The following KCNIP1 variants were observed in gnomAD, a reference collection of about 807,000 sequenced individuals.
KCNIP1 encodes potassium voltage-gated channel interacting protein 1.
In KCNIP1, 18 loss-of-function variants were observed where a neutral mutation model predicts 33.0. The ratio of observed to expected loss-of-function variants is 0.55; its 90% CI spans 0.38 to 0.81. The LOEUF (loss-of-function observed/expected upper bound fraction) is 0.81, where lower values mean the gene tolerates loss of function less well. Among genes scored for constraint, KCNIP1 ranks in the 30% least tolerant of loss-of-function variants. The probability of loss-of-function intolerance (pLI) is 0.00; values close to 1 mark genes in which losing one functional copy is unlikely to be tolerated. For missense variants in KCNIP1, 238 were observed against 271.6 expected (o/e 0.88, Z 0.87); for synonymous variants, 93 against 98.3 (o/e 0.95, Z 0.32).
At chr5:170,647,361 C>A (rs1198471655) in intron 1 of KCNIP1, among the ~76,000 whole-genome samples, 1 of 152,010 alleles carries the variant, frequency 6.6e-6, no homozygotes, top group Non-Finnish European at 1.5e-5. Flanking sequence ...ATTGACACAA[C>A]CTGATTCAAG....
intron 1 of KCNIP1, among the ~76,000 whole-genome samples, chr5:170,528,092 A>G (rs988199047): frequency 6.6e-6 from 1 of 152,172 alleles, no homozygotes; most frequent in African/African-American, 2.4e-5. Flanking sequence ...GATTGACTGC[A>G]GTAGGAGCTC....
At chr5:170,508,194 G>A (rs1049480614) in intron 1 of KCNIP1, among the ~76,000 whole-genome samples, 25 of 152,186 alleles carry the variant, frequency 1.6e-4, no homozygotes, top group African/African-American at 5.3e-4. Context: ...CTCCATGACC[G>A]AGTGCAAGCA....
At chr5:170,645,872 G>A (rs1452362524) in intron 1 of KCNIP1, among the ~76,000 whole-genome samples, 2 of 151,190 alleles carry the variant, frequency 1.3e-5, no homozygotes, top group Non-Finnish European at 2.9e-5. Context: ...AAATAACATA[G>A]GTCAAAAAAG....
At chr5:170,499,190 A>G (rs955887283), upstream of KCNIP1, among the ~76,000 whole-genome samples, 18 of 152,178 alleles carry the variant, frequency 1.2e-4, no homozygotes, top group African/African-American at 3.9e-4. Context: ...CCCTTCCTTA[A>G]CTAATCTGAG....
intron 1 of KCNIP1, among the ~76,000 whole-genome samples, chr5:170,704,708 T>C (rs938688920): frequency 6.6e-6 from 1 of 152,200 alleles, no homozygotes; most frequent in Non-Finnish European, 1.5e-5. Context: ...GCACTAGCCC[T>C]GGGGCCCCTC....
intron 1 of KCNIP1, among the ~76,000 whole-genome samples, chr5:170,585,664 G>A (rs527613077): frequency 1.2e-3 from 177 of 152,242 alleles, no homozygotes; most frequent in South Asian, 2.7e-3. Flanking sequence ...ACCCAGCAGC[G>A]TCTAGAACTT....
intron 1 of KCNIP1, among the ~76,000 whole-genome samples, chr5:170,549,713 A>G (rs1245043991): frequency 1.3e-5 from 2 of 152,152 alleles, no homozygotes; most frequent in Admixed American, 1.3e-4. Flanking sequence ...TCTCTTGGAA[A>G]CTCACGAAGT....
At chr5:170,676,891 A>G (rs935701261) in intron 1 of KCNIP1, among the ~76,000 whole-genome samples, 4 of 152,218 alleles carry the variant, frequency 2.6e-5, no homozygotes, top group Non-Finnish European at 5.9e-5. Flanking sequence ...GTTTAAGCAA[A>G]AACAAATCAT....
At chr5:170,514,049 C>T (rs1019289357) in intron 1 of KCNIP1, among the ~76,000 whole-genome samples, 1 of 152,164 alleles carries the variant, frequency 6.6e-6, no homozygotes, top group Non-Finnish European at 1.5e-5. Flanking sequence ...CGAGGCACTC[C>T]ACCACCTGGG....
At chr5:170,353,826 G>T (rs764345473) in exon 1 of KCNIP1, 36 of 1,554,798 alleles carry the variant, frequency 2.3e-5, no homozygotes, top group Non-Finnish European at 2.8e-5. Flanking sequence ...CACAAGGTGG[G>T]CACTGTCCCT....
At chr5:170,622,299 G>A (rs928622353) in intron 1 of KCNIP1, among the ~76,000 whole-genome samples, 2 of 152,062 alleles carry the variant, frequency 1.3e-5, no homozygotes, top group South Asian at 2.1e-4. Flanking sequence ...GGGTCTATCC[G>A]AAATCCAGTG....
At chr5:170,709,338 A>G (rs867518907) in intron 1 of KCNIP1, among the ~76,000 whole-genome samples, 5 of 152,324 alleles carry the variant, frequency 3.3e-5, no homozygotes, top group Middle Eastern at 6.8e-3. Context: ...CATTATTAGT[A>G]CATATTAATT....
At chr5:170,680,793 G>C in intron 1 of KCNIP1, 1 of 289,380 alleles carries the variant, frequency 3.5e-6, no homozygotes, top group Non-Finnish European at 6.4e-6. Flanking sequence ...GCTAGCAGAA[G>C]ATTAGGGACT....
At chr5:170,696,939 C>T (rs1351215161) in intron 1 of KCNIP1, among the ~76,000 whole-genome samples, 1 of 152,128 alleles carries the variant, frequency 6.6e-6, no homozygotes, top group Non-Finnish European at 1.5e-5. Context: ...ATGCACATTT[C>T]CTTCTGCTCC....
chr5:170,461,813 G>A lies in KCNIP1; in HGVS notation c.88+107849G>A, dbSNP rs192156238. ...AGAGAACGCAGAAATAAACCCGAACGCTTACAGCAAACTGATCTTTGACAA... is the reference window on the plus strand; with the variant it reads ...AGAGAACGCAGAAATAAACCCGAACACTTACAGCAAACTGATCTTTGACAA... On this transcript the variant is annotated intron_variant, in intron 1 of 7. Coordinates refer to the KCNIP1 transcript ENST00000377360. Among the ~76,000 whole-genome samples, 297 of 150,956 alleles carry A rather than the reference G, an allele frequency of 2.0e-3. 3 individuals carry two copies. Among genetic ancestry groups the A allele is most frequent in the African/African-American group, 7.1e-3 (291 of 41,150 alleles).
chr5:170,558,513 G>A (rs1342859848), intron 1 of KCNIP1, among the ~76,000 whole-genome samples: 2 of 152,242 alleles, frequency 1.3e-5, no homozygotes, highest in African/African-American at 2.4e-5. Flanking sequence ...AGATCGAGGT[G>A]GAATGGGAGT....
chr5:170,588,182 C>A (rs1216483017), intron 1 of KCNIP1, among the ~76,000 whole-genome samples: 2 of 152,174 alleles, frequency 1.3e-5, no homozygotes, highest in Admixed American at 1.3e-4. Flanking sequence ...TAGACTGAGT[C>A]CCCATGCAGT....
chr5:170,464,131 A>T (rs528862845), intron 1 of KCNIP1, among the ~76,000 whole-genome samples: 26 of 152,370 alleles, frequency 1.7e-4, no homozygotes, highest in African/African-American at 5.3e-4. Context: ...ACAAAATATC[A>T]TTGAAATAAA....
chr5:170,528,512 CT>C (rs1285125186), intron 1 of KCNIP1, among the ~76,000 whole-genome samples: 1 of 152,170 alleles, frequency 6.6e-6, no homozygotes, highest in African/African-American at 2.4e-5. Context: ...CATAGCACAG[CT>C]CAAAAAACTT....
Sources: allele counts gnomAD v4.1 joint callset (sites outside exome capture counted in the v4.1 genomes callset), GRCh38; gene constraint gnomAD v4.1.1; transcripts MANE v1.5; gene names NCBI Gene and HGNC (gene_info 2026-07-23, HGNC 2026-07-21).